Variants in DOCK1 observed in about 807,000 individuals in gnomAD.
The protein encoded by DOCK1 is dedicator of cytokinesis 1.
A neutral mutation model predicts 262.7 loss-of-function variants in DOCK1; 138 were observed. The ratio of observed to expected loss-of-function variants is 0.53; its 90% CI spans 0.46 to 0.61. DOCK1 has a LOEUF of 0.61. DOCK1 is among the 20% of genes least tolerant of loss of function. DOCK1 has a pLI of 0.00. For missense variants in DOCK1, 1,908 were observed against 2,370.7 expected (o/e 0.80, Z 4.05); for synonymous variants, 866 against 867.4 (o/e 1.00, Z 0.03).
chr10:127,427,897 A>G (rs762720156), intron 47 of DOCK1, among the ~76,000 whole-genome samples: 6 of 152,232 alleles, frequency 3.9e-5, no homozygotes, highest in South Asian at 2.1e-4. Context: ...AACAAAGCCA[A>G]CATAACACAA....
At chr10:127,305,505 T>C (rs2061840841) in intron 29 of DOCK1, among the ~76,000 whole-genome samples, 1 of 152,144 alleles carries the variant, frequency 6.6e-6, no homozygotes, top group Admixed American at 6.5e-5. Flanking sequence ...CACTTGGATA[T>C]ACATGATCTG....
At chr10:127,444,608 G>T (rs998177952) in intron 50 of DOCK1, among the ~76,000 whole-genome samples, 12 of 152,166 alleles carry the variant, frequency 7.9e-5, no homozygotes, top group Non-Finnish European at 1.5e-4. Context: ...GAGGCCGTGG[G>T]CCTGCTTGTG....
At chr10:126,947,075 T>C (rs2134306025) in intron 1 of DOCK1, among the ~76,000 whole-genome samples, 1 of 152,362 alleles carries the variant, frequency 6.6e-6, no homozygotes, top group South Asian at 2.1e-4. Context: ...ATGCCCTCCT[T>C]CCTCCTGCTC....
intron 11 of DOCK1, among the ~76,000 whole-genome samples, chr10:127,009,743 G>A (rs1427829177): frequency 6.6e-6 from 1 of 152,106 alleles, no homozygotes; most frequent in Non-Finnish European, 1.5e-5. Context: ...TCAGCTGTTG[G>A]CTGAAGGGTT....
At chr10:127,128,226 A>G (rs924524467) in intron 27 of DOCK1, 2 of 152,236 alleles carry the variant, frequency 1.3e-5, no homozygotes, top group African/African-American at 4.8e-5. Context: ...TAGACAGTCC[A>G]TCAAGTTTCT....
chr10:127,404,190 C>T (rs889387235), intron 39 of DOCK1, 135 bp from the exon 40 acceptor site: 4 of 632,932 alleles, frequency 6.3e-6, no homozygotes, highest in Admixed American at 2.7e-5. Context: ...CCTCTCCCAC[C>T]ATCTCCCTCT....
chr10:127,321,001 C>T (rs1389917505), intron 29 of DOCK1, among the ~76,000 whole-genome samples: 1 of 152,146 alleles, frequency 6.6e-6, no homozygotes, highest in East Asian at 1.9e-4. Flanking sequence ...TCTTCATCTC[C>T]CCATGAGGCT....
chr10:127,086,686 A>G (rs1411610949), intron 23 of DOCK1, among the ~76,000 whole-genome samples: 2 of 152,206 alleles, frequency 1.3e-5, no homozygotes, highest in Non-Finnish European at 1.5e-5. Flanking sequence ...GGTTCTTAAA[A>G]AGTCCCGTGT....
intron 27 of DOCK1, among the ~76,000 whole-genome samples, chr10:127,138,254 T>G (rs553314890): frequency 6.6e-6 from 1 of 152,234 alleles, no homozygotes; most frequent in African/African-American, 2.4e-5. Flanking sequence ...TCTTTAATAT[T>G]GTGTTAATGT....
chr10:126,978,617 G>A (rs1331670775), intron 3 of DOCK1, among the ~76,000 whole-genome samples: 1 of 152,068 alleles, frequency 6.6e-6, no homozygotes, highest in Non-Finnish European at 1.5e-5. Flanking sequence ...TTCATTCTAC[G>A]ATGTTAAGAT....
intron 38 of DOCK1, among the ~76,000 whole-genome samples, chr10:127,401,907 T>TGG (rs2067247138): frequency 6.6e-6 from 1 of 152,058 alleles, no homozygotes; most frequent in Admixed American, 6.6e-5. Flanking sequence ...AGCAGGCGGG[T>TGG]GGGGGCTCAG....
chr10:127,016,171 T>G (rs2041865723), intron 12 of DOCK1: 1 of 152,136 alleles, frequency 6.6e-6, no homozygotes, highest in Non-Finnish European at 1.5e-5. Flanking sequence ...GTCGTGAGGG[T>G]CTGCCCTATG....
chr10:127,006,262 C>T (rs1362998243), intron 10 of DOCK1, among the ~76,000 whole-genome samples: 2 of 152,214 alleles, frequency 1.3e-5, no homozygotes, highest in African/African-American at 2.4e-5. Context: ...TCACCTCCTG[C>T]CTTCTGCTCT....
rs982182071 is a variant in DOCK1 at position 127,175,377 on chromosome 10, A to G, written c.2847+47613A>G. The G allele has an allele frequency of 3.7e-6, 6 of 1,613,864 alleles. No homozygotes were observed. Among genetic ancestry groups the G allele is most frequent in the Non-Finnish European group, 5.1e-6 (6 of 1,180,030 alleles). On this transcript the variant is annotated intron_variant, in intron 27 of 51. Coordinates refer to ENST00000623213, the MANE Select transcript of DOCK1 (RefSeq NM_001290223.2). This position sits in a 1 kb window ranked among gnomAD's most constrained non-coding sequence, Gnocchi z 6.3. Reference sequence around the variant, plus strand: ...TCGTTGGCATTCTTCACCTGCAGCAACCGCTGTGGGACTAGGCTGGTTCCC... The same window carrying G: ...TCGTTGGCATTCTTCACCTGCAGCAGCCGCTGTGGGACTAGGCTGGTTCCC...
At chr10:127,309,878 C>CTTT (rs1213688949) in intron 29 of DOCK1, among the ~76,000 whole-genome samples, 16 of 141,408 alleles carry the variant, frequency 1.1e-4, no homozygotes, top group African/African-American at 4.1e-4. Flanking sequence ...ATACCATGTT[C>CTTT]TTTTTTTTTT....
At chr10:127,097,965 C>T (rs1010373879) in intron 23 of DOCK1, among the ~76,000 whole-genome samples, 12 of 152,176 alleles carry the variant, frequency 7.9e-5, no homozygotes, top group African/African-American at 2.9e-4. Context: ...TCACTCCAAA[C>T]TCAGCTCTGT....
chr10:127,212,560 C>T (rs1170113679), intron 27 of DOCK1, among the ~76,000 whole-genome samples: 1 of 152,060 alleles, frequency 6.6e-6, no homozygotes. Flanking sequence ...TTCTTTAGCT[C>T]CCTCTGTGCT....
At chr10:127,338,007 C>T (rs1188619815) in intron 29 of DOCK1, among the ~76,000 whole-genome samples, 1 of 152,148 alleles carries the variant, frequency 6.6e-6, no homozygotes, top group Non-Finnish European at 1.5e-5. Context: ...TGTGACATGG[C>T]CAGGGCGTGG....
chr10:127,427,011 C>T (rs975489858), intron 47 of DOCK1, among the ~76,000 whole-genome samples: 3 of 152,186 alleles, frequency 2.0e-5, no homozygotes, highest in Admixed American at 6.5e-5. Flanking sequence ...GTGGTGCTCC[C>T]ATCTTTACTC....
Sources: gnomAD v4.1 joint callset for allele counts (sites outside exome capture counted in the v4.1 genomes callset) on GRCh38, gnomAD v4.1.1 for gene constraint, Gnocchi (gnomAD v3.1) non-coding constraint, MANE v1.5 for transcripts, NCBI Gene and HGNC (gene_info 2026-07-23, HGNC 2026-07-21) for gene names.